PCDHGA10: variants seen among roughly 807,000 people sequenced by gnomAD.
PCDHGA10 encodes the protein protocadherin gamma subfamily A, 10, also known as protocadherin gamma-A10.
A neutral mutation model predicts 59.5 loss-of-function variants in PCDHGA10; 42 were observed. The observed-to-expected ratio is 0.71, with a 90% CI of 0.55 to 0.91. PCDHGA10 has a LOEUF of 0.91. PCDHGA10 is among the 40% of genes least tolerant of loss of function. The pLI is 0.00. For missense variants in PCDHGA10, 1,111 were observed against 1,198.2 expected, an observed-to-expected ratio of 0.93 and a Z score of 1.07; for synonymous variants, 511 against 517.2, an observed-to-expected ratio of 0.99 and a Z score of 0.16.
intron 1 of PCDHGA10, chr5:141,418,804 T>C (rs368948947): frequency 3.3e-5 from 54 of 1,613,718 alleles, no homozygotes; most frequent in African/African-American, 5.3e-5. Flanking sequence ...TAGAAAGATA[T>C]ACGATAAACA....
intron 1 of PCDHGA10, chr5:141,421,731 C>G (rs73792198): frequency 6.2e-7 from 1 of 1,613,742 alleles, no homozygotes; most frequent in Non-Finnish European, 8.5e-7. Flanking sequence ...TGAACTCCCT[C>G]CAGAGCTACC....
At chr5:141,444,119 T>G (rs1236466434) in intron 1 of PCDHGA10, among the ~76,000 whole-genome samples, 4 of 146,736 alleles carry the variant, frequency 2.7e-5, no homozygotes, top group African/African-American at 1.0e-4. Context: ...AAGTGAAGTA[T>G]CTCAACAGAT....
Position 141,431,145 on chromosome 5 carries a change from A to G in PCDHGA10, c.2436+15534A>G. The G allele has an allele frequency of 1.2e-6, 2 of 1,614,244 alleles. No homozygotes were observed. Among genetic ancestry groups the G allele is most frequent in the Non-Finnish European group, 1.7e-6 (2 of 1,180,042 alleles). On this transcript the variant is annotated intron_variant, in intron 1 of 3. Transcript: ENST00000398610. The surrounding 1 kb of genome is among the most constrained non-coding windows in gnomAD (Gnocchi z 4.8). ...GTAGAAGTAAGGGACATTAACGACA[A>G]TGCGCCTTACTTTCGTGAAAGTGAA... is the stretch of plus-strand genomic sequence containing the variant.
chr5:141,451,813 G>A (rs921877961), intron 1 of PCDHGA10, among the ~76,000 whole-genome samples: 13 of 150,788 alleles, frequency 8.6e-5, no homozygotes, highest in East Asian at 2.0e-4. Context: ...CCCAGGAGGC[G>A]GAGGTTACAG....
At chr5:141,462,648 C>T (rs2099044153) in intron 1 of PCDHGA10, among the ~76,000 whole-genome samples, 1 of 137,364 alleles carries the variant, frequency 7.3e-6, no homozygotes, top group Admixed American at 7.1e-5. Flanking sequence ...TCATTTCCAT[C>T]CTCAATTATC....
At chr5:141,484,311 C>T (rs1234690996) in intron 1 of PCDHGA10, among the ~76,000 whole-genome samples, 2 of 152,196 alleles carry the variant, frequency 1.3e-5, no homozygotes, top group African/African-American at 4.8e-5. Flanking sequence ...CTCCACCCCG[C>T]TTCCATACTG....
rs776015544 is a variant in PCDHGA10, at chr5:141,485,125, G to C, written c.2437-9682G>C. The C allele has an allele frequency of 7.1e-7, 1 of 1,412,278 alleles. No homozygotes were observed. Among genetic ancestry groups the C allele is most frequent in the Admixed American group, 1.7e-5 (1 of 57,660 alleles). 87.5% of individuals were successfully genotyped at this position (1,412,278 alleles called of 1,614,324 possible). On this transcript the variant is annotated intron_variant, in intron 1 of 3. Transcript: ENST00000398610. The surrounding 1 kb of genome is among the most constrained non-coding windows in gnomAD (Gnocchi z 5.7). The stretch of plus-strand genomic sequence containing the variant: ...CTGCTGTGGCTGTTTGGGGCGGGTC[G>C]GCTTCATCCGCGTCTCAGGAGCAAG...
intron 1 of PCDHGA10, chr5:141,479,521 T>C (rs4912607): frequency 0.2 from 30,680 of 152,154 alleles, 3,215 homozygotes; most frequent in Admixed American, 0.29. Flanking sequence ...CTGGCCCAGG[T>C]TGGAAGTGGA....
At chr5:141,478,559 A>T (rs938780510) in intron 1 of PCDHGA10, 1 of 1,599,454 alleles carries the variant, frequency 6.3e-7, no homozygotes, top group Non-Finnish European at 8.5e-7. Context: ...AAGGTTTAGC[A>T]AGTCATGCTT....
chr5:141,421,561 G>T (rs2096583505), intron 1 of PCDHGA10: 1 of 1,613,992 alleles, frequency 6.2e-7, no homozygotes, highest in Non-Finnish European at 8.5e-7. Context: ...ACTTCTCGTG[G>T]AAGACACCTT....
Position 141,477,657 on chromosome 5 carries a change from G to C in PCDHGA10, c.2437-17150G>C. 4 of 1,614,190 alleles carry C rather than the reference G, an allele frequency of 2.5e-6. No individual in the cohort carries two copies. Among genetic ancestry groups the C allele is most frequent in the Non-Finnish European group, 3.4e-6 (4 of 1,180,038 alleles). The stretch of plus-strand genomic sequence containing the variant: ...GTGGGTCGCTATTTCACAATAAATC[G>C]TGACAATGGCATAGTGTCATCCTTA... On this transcript the variant is annotated intron_variant, in intron 1 of 3. Coordinates refer to ENST00000398610, the MANE Select transcript of PCDHGA10 (RefSeq NM_018913.3). The surrounding 1 kb of genome is among the most constrained non-coding windows in gnomAD (Gnocchi z 4.9).
intron 2 of PCDHGA10, among the ~76,000 whole-genome samples, chr5:141,500,674 G>T (rs554174451): frequency 4.2e-4 from 64 of 152,122 alleles, no homozygotes; most frequent in Non-Finnish European, 6.6e-4. Flanking sequence ...CTGTCCAACA[G>T]AATTATAGCT....
rs900884760 is a variant in PCDHGA10, at chr5:141,414,031, C to T, written c.856C>T (p.Arg286Ter). Reference protein sequence around the residue: ...GANGEVTYSFRKLPDTQLLKF... With the variant: ...GANGEVTYSF ...CAATGGAGAAGTGACATATTCATTC[C>T]GAAAATTACCTGACACGCAATTGTT... The change falls in exon 1 of 4, where the codon CGA becomes TGA. Residue 286 changes from arginine (R) to a stop codon, truncating the protein, a stop_gained. Coordinates refer to ENST00000398610, the MANE Select transcript of PCDHGA10 (RefSeq NM_018913.3). LOFTEE classifies it high-confidence loss of function. 4 of 1,611,858 alleles carry T rather than the reference C, an allele frequency of 2.5e-6. No homozygotes were observed. The Admixed American group carries it at 6.7e-5, about 27-fold the overall frequency.
chr5:141,459,260 T>G (rs551625614), intron 1 of PCDHGA10, among the ~76,000 whole-genome samples: 1 of 152,344 alleles, frequency 6.6e-6, no homozygotes, highest in South Asian at 2.1e-4. Flanking sequence ...TAAATTAGTG[T>G]TGCCTCTTTC....
chr5:141,489,579 C>G lies in PCDHGA10; in HGVS notation c.2437-5228C>G, dbSNP rs112808093. 3.7e-6 allele frequency: 6 copies of G among 1,613,922 alleles called. No individual in the cohort carries two copies. The Admixed American group carries it at 5.0e-5, about 13-fold the overall frequency. On this transcript the variant is annotated intron_variant, in intron 1 of 3. Transcript: ENST00000398610. This position sits in a 1 kb window ranked among gnomAD's most constrained non-coding sequence, Gnocchi z 4.5. ...CAGTGCAGGTGGTGACTGAACACCC[C>G]CTGGAGCTAATCCGTGTAGAGGTAG... is the stretch of plus-strand genomic sequence containing the variant.
chr5:141,441,442 C>G (rs938839707), intron 1 of PCDHGA10: 1 of 160,500 alleles, frequency 6.2e-6, no homozygotes, highest in African/African-American at 2.4e-5. Context: ...CTCGTCCAGC[C>G]CAAGCATCAC....
rs532907359 is a variant in PCDHGA10, at chr5:141,500,353, C to T, written c.2496-5040C>T. 1.9e-4 allele frequency among the ~76,000 whole-genome samples: 29 copies of T among 152,052 alleles called. No homozygotes were observed. The East Asian group carries it at 5.2e-3, about 27-fold the overall frequency. The stretch of plus-strand genomic sequence containing the variant: ...CCTCCAGAATAGCTGGGACTACAGG[C>T]GCCCACTACCACGCCCGGCTAATTA... On this transcript the variant is annotated intron_variant, in intron 2 of 3. Transcript: ENST00000398610.
intron 3 of PCDHGA10, 73 bp from the exon 4 acceptor site, chr5:141,510,874 G>A (rs1419164967): frequency 3.7e-6 from 6 of 1,610,008 alleles, no homozygotes; most frequent in Admixed American, 1.7e-5. Context: ...TTCATTAACT[G>A]CTGGGGATAT....
chr5:141,415,094 A>G lies in PCDHGA10; in HGVS notation c.1919A>G (p.Asp640Gly). The G allele has an allele frequency of 6.2e-7, 1 of 1,613,530 alleles. No individual in the cohort carries two copies. The highest frequency in any genetic ancestry group is 8.5e-7 in the Non-Finnish European group (1 of 1,179,970). Residue 640 changes from aspartate (D) to glycine (G), a missense_variant, in exon 1 of 4, where the codon GAC becomes GGC. By Grantham distance (94) the Asp-to-Gly change is moderately conservative. Transcript: ENST00000398610. ...ACGGCGCGAGCCCTGCTGGACAGAGACGCGCTCAAGCAAAGCCTCGTAGTG... is the reference window on the plus strand; with the variant it reads ...ACGGCGCGAGCCCTGCTGGACAGAGGCGCGCTCAAGCAAAGCCTCGTAGTG... ...VRTARALLDR[D>G]ALKQSLVVAV... is the part of the protein sequence containing the mutation.
Sources: allele counts gnomAD v4.1 joint callset (sites outside exome capture counted in the v4.1 genomes callset), GRCh38; gene constraint gnomAD v4.1.1; non-coding constraint Gnocchi (gnomAD v3.1); transcripts MANE v1.5; gene names NCBI Gene and HGNC (gene_info 2026-07-23, HGNC 2026-07-21).